Variants in SHISA6 observed in about 807,000 individuals in gnomAD.
SHISA6 encodes the protein shisa family member 6, also known as protein shisa-6.
SHISA6 carries 22 observed loss-of-function variants against 47.9 expected under a neutral mutation model. The ratio of observed to expected loss-of-function variants is 0.46; its 90% confidence interval spans 0.33 to 0.66. SHISA6 has a LOEUF of 0.66. SHISA6 is among the 30% of genes least tolerant of loss of function. The probability of loss-of-function intolerance (pLI) is 0.02; values close to 1 mark genes in which losing one functional copy is unlikely to be tolerated. For synonymous variants in SHISA6, 388 were observed against 337.8 expected, an observed-to-expected ratio of 1.15 and a Z score of -1.63; for missense variants, 680 against 764.6, an observed-to-expected ratio of 0.89 and a Z score of 1.30.
rs2071972152 is a variant in SHISA6 at position 11,555,739 on chromosome 17, G to A, written c.953-1G>A. On this transcript the variant is annotated splice_acceptor_variant, in intron 4 of 5. Coordinates refer to ENST00000441885, the MANE Select transcript of SHISA6 (RefSeq NM_207386.4). LOFTEE classifies it high-confidence loss of function. ...CAAAACACCCCTCCCTTTTCTTGCA[G>A]AGAAGCCACGGATGAACAACATCCT... The A allele has an allele frequency of 1.3e-6, 2 of 1,534,352 alleles. No homozygotes were observed. The highest frequency in any genetic ancestry group is 8.8e-7 in the Non-Finnish European group (1 of 1,140,172).
chr17:11,486,695 C>T (rs933608006), intron 3 of SHISA6, among the ~76,000 whole-genome samples: 2 of 152,194 alleles, frequency 1.3e-5, no homozygotes, highest in African/African-American at 4.8e-5. Context: ...TTTCCGTCAT[C>T]CTTCATCTTT....
chr17:11,526,849 T>A (rs1325243565), intron 3 of SHISA6, among the ~76,000 whole-genome samples: 1 of 76,404 alleles, frequency 1.3e-5, no homozygotes, highest in African/African-American at 4.8e-5. Context: ...GGGGTACATG[T>A]GATATCTTGA....
chr17:11,497,035 G>T (rs919185435), intron 3 of SHISA6, among the ~76,000 whole-genome samples: 10 of 152,236 alleles, frequency 6.6e-5, no homozygotes, highest in African/African-American at 2.4e-4. Flanking sequence ...CCTCCCATAA[G>T]TTTGGACACT....
intron 2 of SHISA6, chr17:11,288,814 A>G (rs1909417283): frequency 6.6e-6 from 1 of 152,086 alleles, no homozygotes; most frequent in Non-Finnish European, 1.5e-5. Flanking sequence ...TCTTTTAAGT[A>G]GTCTTACTTT....
In SHISA6 at chr17:11,563,333, A is replaced by C. The variant is rs1280531654; in HGVS notation, c.*5029A>C. The C allele has an allele frequency of 6.6e-6, 1 of 152,212 alleles. No homozygotes were observed. The highest frequency in any genetic ancestry group is 1.9e-4 in the East Asian group (1 of 5,192). 9.4% of individuals were successfully genotyped at this position (152,212 alleles called of 1,614,324 possible). A position where few individuals can be genotyped will look rare whatever the true frequency, so the allele number is the denominator to read the frequency against. ...AGGCATCTCCATCTGGGCTGCTAGG[A>C]AGGGGCACTCATCCCATCCTAGTAC... On this transcript the variant is annotated 3_prime_UTR_variant, in exon 6 of 6. Coordinates refer to ENST00000441885, the MANE Select transcript of SHISA6 (RefSeq NM_207386.4).
At chr17:11,403,358 A>G (rs1034900) in intron 3 of SHISA6, among the ~76,000 whole-genome samples, 74,704 of 152,096 alleles carry the variant, frequency 0.49, 18,907 homozygotes, top group Middle Eastern at 0.55. Flanking sequence ...CAGAGCCACT[A>G]CACTGCAAAA....
At chr17:11,249,358 A>G in intron 1 of SHISA6, among the ~76,000 whole-genome samples, 1 of 151,760 alleles carries the variant, frequency 6.6e-6, no homozygotes, top group East Asian at 1.9e-4. Flanking sequence ...TTTCAGGGTT[A>G]TCTTCTGGGT....
intron 2 of SHISA6, among the ~76,000 whole-genome samples, chr17:11,303,706 C>A (rs1910006552): frequency 6.6e-6 from 1 of 152,306 alleles, no homozygotes; most frequent in South Asian, 2.1e-4. Context: ...AGCCCCCAGT[C>A]CCAGTTGGCC....
At chr17:11,482,376 C>G (rs979639119) in intron 3 of SHISA6, among the ~76,000 whole-genome samples, 1 of 152,154 alleles carries the variant, frequency 6.6e-6, no homozygotes, top group Non-Finnish European at 1.5e-5. Context: ...TTCCAGAAGA[C>G]GGCAGCTACA....
chr17:11,281,567 G>T (rs1909121173), intron 2 of SHISA6, among the ~76,000 whole-genome samples: 1 of 151,990 alleles, frequency 6.6e-6, no homozygotes, highest in Non-Finnish European at 1.5e-5. Context: ...ATTTTGTTAA[G>T]AACTTTTTGT....
chr17:11,484,519 A>G (rs548912591), intron 3 of SHISA6, among the ~76,000 whole-genome samples: 23 of 152,130 alleles, frequency 1.5e-4, no homozygotes, highest in Middle Eastern at 3.4e-3. Context: ...TCCTGCCTCA[A>G]CCTCTCAAGT....
At chr17:11,259,444 C>A (rs1330990890) in intron 1 of SHISA6, among the ~76,000 whole-genome samples, 4 of 152,192 alleles carry the variant, frequency 2.6e-5, no homozygotes, top group African/African-American at 9.7e-5. Context: ...AAATGATAGT[C>A]TTTAATATCT....
chr17:11,251,279 G>A (rs981833936), intron 1 of SHISA6, among the ~76,000 whole-genome samples: 1 of 152,094 alleles, frequency 6.6e-6, no homozygotes, highest in Admixed American at 6.5e-5. Flanking sequence ...CAGAACGGCG[G>A]CCCCCATTTA....
At chr17:11,488,966 C>T (rs956670498) in intron 3 of SHISA6, among the ~76,000 whole-genome samples, 1 of 152,156 alleles carries the variant, frequency 6.6e-6, no homozygotes, top group African/African-American at 2.4e-5. Flanking sequence ...ACGCTGCTCC[C>T]TGATGAGTCT....
chr17:11,504,121 G>C (rs1445143457), intron 3 of SHISA6, among the ~76,000 whole-genome samples: 1 of 152,186 alleles, frequency 6.6e-6, no homozygotes, highest in Non-Finnish European at 1.5e-5. Flanking sequence ...AAGGGTCCAT[G>C]AGTCCTTTGG....
intron 3 of SHISA6, among the ~76,000 whole-genome samples, chr17:11,444,162 T>A (rs1915169463): frequency 6.6e-6 from 1 of 151,954 alleles, no homozygotes; most frequent in Admixed American, 6.6e-5. Flanking sequence ...CTACTAAAAA[T>A]ACAAAAATTA....
chr17:11,368,817 C>A (rs1445669235), intron 2 of SHISA6, among the ~76,000 whole-genome samples: 1 of 152,078 alleles, frequency 6.6e-6, no homozygotes, highest in East Asian at 1.9e-4. Flanking sequence ...CCACCATGCC[C>A]AGCTAATTTT....
At chr17:11,545,719 G>A (rs768890916) in intron 3 of SHISA6, among the ~76,000 whole-genome samples, 6 of 152,216 alleles carry the variant, frequency 3.9e-5, no homozygotes, top group Non-Finnish European at 8.8e-5. Context: ...ACAGCTAGAA[G>A]GCTGTGGGTC....
intron 3 of SHISA6, among the ~76,000 whole-genome samples, chr17:11,413,785 G>A (rs1304365629): frequency 1.3e-5 from 2 of 152,128 alleles, no homozygotes; most frequent in Admixed American, 6.5e-5. Context: ...CTGGAACATT[G>A]CGTTGCCTCC....
Sources: allele counts gnomAD v4.1 joint callset (sites outside exome capture counted in the v4.1 genomes callset), GRCh38; gene constraint gnomAD v4.1.1; transcripts MANE v1.5; gene names NCBI Gene and HGNC (gene_info 2026-07-23, HGNC 2026-07-21).